SCYL1: variants seen among roughly 807,000 people sequenced by gnomAD.
SCYL1 encodes N-terminal kinase-like protein.
Under a neutral mutation model 94.8 loss-of-function variants are expected in SCYL1, and 85 were observed. The ratio of observed to expected loss-of-function variants is 0.90; its 90% CI spans 0.75 to 1.07. SCYL1 has a LOEUF of 1.07. Among genes scored for constraint, SCYL1 ranks in the 50% least tolerant of loss-of-function variants. SCYL1 has a pLI of 0.00. For synonymous variants in SCYL1, 459 were observed against 435.5 expected (o/e 1.05, Z -0.67); for missense variants, 968 against 1,083.3 (o/e 0.89, Z 1.49).
At chr11:65,537,562 T>G (rs766376758) in intron 14 of SCYL1, among the ~76,000 whole-genome samples, 15 of 152,176 alleles carry the variant, frequency 9.9e-5, no homozygotes, top group Admixed American at 5.9e-4. Context: ...CCCATCTGGC[T>G]GACAGCAGCA....
intron 14 of SCYL1, 45 bp from the exon 15 acceptor site, chr11:65,537,764 C>T: frequency 3.4e-6 from 5 of 1,482,570 alleles, no homozygotes; most frequent in Non-Finnish European, 4.5e-6. Context: ...GCTCACTTGC[C>T]CTTTAGCATG....
chr11:65,535,835 C>T (rs1855609310), intron 10 of SCYL1, 118 bp from the exon 11 acceptor site: 2 of 994,708 alleles, frequency 2.0e-6, no homozygotes, highest in Non-Finnish European at 3.0e-6. Context: ...GTGATTCATT[C>T]ATATTTTTCA....
intron 6 of SCYL1, among the ~76,000 whole-genome samples, chr11:65,527,731 CAAAAA>C (rs35335117): frequency 1.1e-5 from 1 of 88,670 alleles, no homozygotes; most frequent in Non-Finnish European, 2.3e-5. Context: ...GACTTCGTCT[CAAAAA>C]AAAAAAAAAA....
chr11:65,536,042 T>G lies in SCYL1; in HGVS notation c.1476T>G (p.Ala492=), dbSNP rs762378101. The G allele has an allele frequency of 6.8e-6, 11 of 1,614,072 alleles. No homozygotes were observed. The highest frequency in any genetic ancestry group is 9.3e-6 in the Non-Finnish European group (11 of 1,180,020). ...PSRVAGVLGF[A]ATHNLYSMND... ...GGGTTGCGGGTGTCCTGGGCTTTGC[T>G]GCCACCCACAACCTCTACTCAATGA... Residue 492 remains alanine (A), a synonymous_variant, in exon 11 of 18, where the codon GCT becomes GCG. Coordinates refer to ENST00000270176, the MANE Select transcript of SCYL1 (RefSeq NM_020680.4).
At position 65,531,924 on chromosome 11, in the gene SCYL1, C is replaced by T. The variant is rs535924152; in HGVS notation, c.1116+241C>T. Among the ~76,000 whole-genome samples, 69 of 152,348 alleles carry T rather than the reference C, an allele frequency of 4.5e-4. 1 individual carries two copies. The highest frequency in any genetic ancestry group is 2.1e-3 in the South Asian group (10 of 4,832). On this transcript the variant is annotated intron_variant, in intron 8 of 17. Coordinates refer to ENST00000270176, the MANE Select transcript of SCYL1 (RefSeq NM_020680.4). ...TCTAATGCCCCCTCCTCTCCTGGCT[C>T]AGTCACTCTGGCCCTCTAGAGTGGG...
At chr11:65,535,845 A>G (rs1855609683) in intron 10 of SCYL1, 108 bp from the exon 11 acceptor site, 1 of 1,097,944 alleles carries the variant, frequency 9.1e-7, no homozygotes, top group Non-Finnish European at 1.3e-6. Flanking sequence ...CATATTTTTC[A>G]GATTCTGGGG....
chr11:65,538,125 A>G lies in SCYL1; in HGVS notation c.2190A>G (p.Pro730=). Residue 730 remains proline (P), a synonymous_variant, in exon 16 of 18, where the codon CCA becomes CCG. Coordinates refer to ENST00000270176, the MANE Select transcript of SCYL1 (RefSeq NM_020680.4). ...RLASEYNWGG[P]ESSDKGDPFA... is the part of the protein sequence containing the mutation. ...CCAGCGAGTATAACTGGGGTGGCCC[A>G]GAGTCCAGCGACAAGGGCGACCCCT... 3 of 1,603,342 alleles carry G rather than the reference A, an allele frequency of 1.9e-6. No homozygotes were observed. The highest frequency in any genetic ancestry group is 2.6e-6 in the Non-Finnish European group (3 of 1,175,498).
chr11:65,536,916 C>G (rs1224113682), intron 13 of SCYL1, 70 bp from the exon 14 acceptor site: 14 of 1,280,566 alleles, frequency 1.1e-5, no homozygotes, highest in Non-Finnish European at 1.5e-5. Context: ...CCCCAGTAGC[C>G]CCCTTCCCCT....
intron 10 of SCYL1, 128 bp from the exon 11 acceptor site, chr11:65,535,825 G>A: frequency 1.1e-6 from 1 of 914,618 alleles, no homozygotes. Flanking sequence ...CCCCATTTAA[G>A]TGATTCATTC....
chr11:65,527,070 A>G lies in SCYL1; in HGVS notation c.802A>G (p.Met268Val), dbSNP rs373815325. The change falls in exon 6 of 18, where the codon ATG becomes GTG. Residue 268 changes from methionine to valine, a missense_variant. Physicochemically the swap from Met to Val is conservative, Grantham distance 21. Coordinates refer to ENST00000270176, the MANE Select transcript of SCYL1 (RefSeq NM_020680.4). Reference sequence around the variant, plus strand: ...GAACTGCCGGGCACCTGGTGGCTTCATGAGCAACCGCTTTGTAGAAACCAA... The same window carrying G: ...GAACTGCCGGGCACCTGGTGGCTTCGTGAGCAACCGCTTTGTAGAAACCAA... ...LQNCRAPGGFMSNRFVETNLF... is the reference protein window; with the variant it reads ...LQNCRAPGGFVSNRFVETNLF... The G allele has an allele frequency of 1.9e-6, 3 of 1,613,620 alleles. No individual in the cohort carries two copies. Among genetic ancestry groups the G allele is most frequent in the African/African-American group, 1.3e-5 (1 of 75,032 alleles).
chr11:65,531,468 G>A (rs11600543), intron 7 of SCYL1, 108 bp from the exon 8 acceptor site: 51,546 of 765,898 alleles, frequency 0.067, 2,235 homozygotes, highest in South Asian at 0.15. Context: ...CCCCCCCTCC[G>A]CCATCACTTC....
intron 7 of SCYL1, 23 bp downstream of exon 7, chr11:65,530,810 GA>G (rs1855324933): frequency 6.3e-7 from 1 of 1,593,372 alleles, no homozygotes; most frequent in South Asian, 1.1e-5. Context: ...GTGGGGTCCA[GA>G]AGGCTGGCTG....
chr11:65,525,975 C>G lies in SCYL1; in HGVS notation c.307C>G (p.Leu103Val), dbSNP rs766945284. The G allele has an allele frequency of 6.2e-6, 10 of 1,613,416 alleles. No individual in the cohort carries two copies. Among genetic ancestry groups the G allele is most frequent in the Admixed American group, 1.7e-5 (1 of 59,992 alleles). ...GGCTGTGACCCCGTTGGGAATATAC[C>G]TCAAGGCGAGAGTGGAGGCTGGTGG... ...TEAVTPLGIY[L>V]KARVEAGGLK... Residue 103 changes from leucine (L) to valine (V), a missense_variant, in exon 3 of 18, where the codon CTC becomes GTC. Leu to Val is a conservative substitution (Grantham distance 32). Transcript: ENST00000270176.
Position 65,536,773 on chromosome 11 carries a change from A to T in SCYL1, c.1816+23A>T. Reference sequence around the variant, plus strand: ...AAGGTGAGTGTCCTGGCCTAGCTGCATCAGTGGCTGAGAGGGCTGAGAGCT... The same window carrying T: ...AAGGTGAGTGTCCTGGCCTAGCTGCTTCAGTGGCTGAGAGGGCTGAGAGCT... On this transcript the variant is annotated intron_variant, in intron 13 of 17. Coordinates refer to ENST00000270176, the MANE Select transcript of SCYL1 (RefSeq NM_020680.4). The T allele has an allele frequency of 3.2e-6, 5 of 1,579,892 alleles. No homozygotes were observed. The South Asian group carries it at 5.8e-5, about 18-fold the overall frequency.
In SCYL1 at chr11:65,526,153, C is replaced by T. The variant is rs772935364; in HGVS notation, c.405C>T (p.Cys135=). Residue 135 remains cysteine (C), a synonymous_variant, in exon 4 of 18, where the codon TGC becomes TGT. Transcript: ENST00000270176. The surrounding 1 kb of genome is among the most constrained non-coding windows in gnomAD (Gnocchi z 4.1). ...CCCTCAGCTTCCTGGTCAACGACTG[C>T]AGCCTCATCCACAACAATGTCTGCA... ...VKALSFLVND[C]SLIHNNVCMA... 15 of 1,613,110 alleles carry T rather than the reference C, an allele frequency of 9.3e-6. No individual in the cohort carries two copies. The South Asian group carries it at 1.5e-4, about 17-fold the overall frequency.
Position 65,525,731 on chromosome 11 carries a change from C to T in SCYL1, c.252+17C>T, listed in dbSNP as rs942879299. 1.9e-6 allele frequency: 3 copies of T among 1,611,082 alleles called. No individual in the cohort carries two copies. The highest frequency in any genetic ancestry group is 4.5e-5 in the East Asian group (2 of 44,850). On this transcript the variant is annotated intron_variant, in intron 2 of 17. Transcript: ENST00000270176. Reference sequence around the variant, plus strand: ...GGACTGGAGGTACCTGCTGCCTTGCCTGCCCGTCTCTGCCCCTCACGATGT... The same window carrying T: ...GGACTGGAGGTACCTGCTGCCTTGCTTGCCCGTCTCTGCCCCTCACGATGT...
Position 65,526,518 on chromosome 11 carries a change from G to A in SCYL1, c.602+168G>A, listed in dbSNP as rs1486244497. ...CCTCTGCCCCCAGGGTCCTCAGGGC[G>A]GTAGGGCGGGATGGACACAGCATTC... On this transcript the variant is annotated intron_variant, in intron 4 of 17. Transcript: ENST00000270176. This position sits in a 1 kb window ranked among gnomAD's most constrained non-coding sequence, Gnocchi z 4.1. Among the ~76,000 whole-genome samples, 2 of 152,216 alleles carry A rather than the reference G, an allele frequency of 1.3e-5. No homozygotes were observed. Among genetic ancestry groups the A allele is most frequent in the South Asian group, 2.1e-4 (1 of 4,834 alleles).
chr11:65,529,407 G>T (rs374516649), intron 6 of SCYL1, among the ~76,000 whole-genome samples: 22 of 152,352 alleles, frequency 1.4e-4, no homozygotes, highest in East Asian at 9.7e-4. Flanking sequence ...GAACATGGGA[G>T]GGCAGTGCCC....
At position 65,527,070 on chromosome 11, in the gene SCYL1, A is replaced by T; in HGVS notation, c.802A>T (p.Met268Leu). 6.2e-7 allele frequency: 1 copy of T among 1,613,620 alleles called. No homozygotes were observed. The highest frequency in any genetic ancestry group is 8.5e-7 in the Non-Finnish European group (1 of 1,180,006). Residue 268 changes from methionine (M) to leucine (L), a missense_variant, in exon 6 of 18, where the codon ATG becomes TTG. Coordinates refer to ENST00000270176, the MANE Select transcript of SCYL1 (RefSeq NM_020680.4). ...LQNCRAPGGF[M>L]SNRFVETNLF... ...GAACTGCCGGGCACCTGGTGGCTTC[A>T]TGAGCAACCGCTTTGTAGAAACCAA...
Sources: gnomAD v4.1 joint callset for allele counts (sites outside exome capture counted in the v4.1 genomes callset) on GRCh38, gnomAD v4.1.1 for gene constraint, Gnocchi (gnomAD v3.1) non-coding constraint, MANE v1.5 for transcripts, NCBI Gene and HGNC (gene_info 2026-07-23, HGNC 2026-07-21) for gene names.